The following MAMDC2 variants were observed in gnomAD, a reference collection of about 807,000 sequenced individuals.
MAMDC2 encodes MAM domain-containing protein 2.
Under a neutral mutation model 89.8 loss-of-function variants are expected in MAMDC2, and 57 were observed. The ratio of observed to expected loss-of-function variants is 0.63; its 90% CI spans 0.51 to 0.79. The LOEUF (loss-of-function observed/expected upper bound fraction) is 0.79, where lower values mean the gene tolerates loss of function less well. Among genes scored for constraint, MAMDC2 ranks in the 30% least tolerant of loss-of-function variants. The probability of loss-of-function intolerance (pLI) is 0.00; values close to 1 mark genes in which losing one functional copy is unlikely to be tolerated. For missense variants in MAMDC2, 800 were observed against 820.6 expected (o/e 0.97, Z 0.31); for synonymous variants, 313 against 293.4 (o/e 1.07, Z -0.68).
chr9:70,154,398 A>T (rs1000228706), intron 9 of MAMDC2, among the ~76,000 whole-genome samples: 1 of 152,194 alleles, frequency 6.6e-6, no homozygotes, highest in Non-Finnish European at 1.5e-5. Context: ...GATAAACTAT[A>T]ATCCCTTATA....
chr9:70,061,249 A>G (rs1427222987), intron 2 of MAMDC2, among the ~76,000 whole-genome samples: 4 of 152,146 alleles, frequency 2.6e-5, no homozygotes, highest in East Asian at 3.9e-4. Flanking sequence ...CTCTGAGGTG[A>G]GTGACATCCC....
intron 2 of MAMDC2, among the ~76,000 whole-genome samples, chr9:70,060,953 T>A (rs1275173933): frequency 6.6e-6 from 1 of 152,206 alleles, no homozygotes. Context: ...GGATCCCAAA[T>A]AACACAGAAC....
chr9:70,220,345 A>C (rs2118693398), intron 12 of MAMDC2, among the ~76,000 whole-genome samples: 1 of 152,268 alleles, frequency 6.6e-6, no homozygotes, highest in South Asian at 2.1e-4. Flanking sequence ...AATGATGCAG[A>C]ATCGCCCTGG....
intron 2 of MAMDC2, among the ~76,000 whole-genome samples, chr9:70,094,437 G>T (rs1827977351): frequency 6.6e-6 from 1 of 152,100 alleles, no homozygotes; most frequent in African/African-American, 2.4e-5. Context: ...ACAATCTTTT[G>T]TGTATCCTGA....
At chr9:70,126,910 T>C (rs892252970) in intron 6 of MAMDC2, among the ~76,000 whole-genome samples, 4 of 152,094 alleles carry the variant, frequency 2.6e-5, no homozygotes, top group African/African-American at 2.4e-5. Flanking sequence ...AAACTTGCTA[T>C]TATGGCCCTA....
chr9:70,122,392 G>A (rs772415495), intron 5 of MAMDC2, among the ~76,000 whole-genome samples: 4 of 152,216 alleles, frequency 2.6e-5, no homozygotes, highest in African/African-American at 7.2e-5. Context: ...CACACAGCAG[G>A]TGAGTTACTA....
chr9:70,047,552 A>G (rs1826783451), intron 2 of MAMDC2, among the ~76,000 whole-genome samples: 1 of 152,220 alleles, frequency 6.6e-6, no homozygotes, highest in Admixed American at 6.5e-5. Context: ...GTATTGCTGC[A>G]TAGTATTCCA....
intron 11 of MAMDC2, among the ~76,000 whole-genome samples, chr9:70,206,262 CA>C (rs1276276507): frequency 6.6e-6 from 1 of 152,078 alleles, no homozygotes; most frequent in East Asian, 1.9e-4. Flanking sequence ...AATTGTGCAC[CA>C]GAGTATTGTT....
In MAMDC2 at chr9:70,218,369, G is replaced by A; in HGVS notation, c.1684G>A (p.Val562Met). Residue 562 changes from valine to methionine, a missense_variant, in exon 12 of 14, where the codon GTG (valine) becomes ATG (methionine). By Grantham distance (21) the Val-to-Met change is conservative. Transcript: ENST00000377182. ...CATGTACATTGAGGCCTCCCATATG[G>A]TGTATGGACAAAAAGCACGCCTCTT... ...YYMYIEASHM[V>M]YGQKARLLSR... is the part of the protein sequence containing the mutation. 6.2e-7 allele frequency: 1 copy of A among 1,614,126 alleles called. No individual in the cohort carries two copies. Among genetic ancestry groups the A allele is most frequent in the South Asian group, 1.1e-5 (1 of 91,076 alleles).
At chr9:70,139,218 C>A (rs995104093) in intron 7 of MAMDC2, among the ~76,000 whole-genome samples, 1 of 145,758 alleles carries the variant, frequency 6.9e-6, no homozygotes, top group African/African-American at 2.5e-5. Flanking sequence ...TGTGCTGCAC[C>A]CATTAACTCG....
chr9:70,116,904 C>G (rs116112426), intron 5 of MAMDC2, among the ~76,000 whole-genome samples: 1,608 of 152,222 alleles, frequency 0.011, 28 homozygotes, highest in African/African-American at 0.036. Flanking sequence ...CTCCCTCTCT[C>G]TATTTTCCCA....
intron 9 of MAMDC2, among the ~76,000 whole-genome samples, chr9:70,156,284 T>C (rs1363505872): frequency 1.3e-5 from 2 of 152,236 alleles, no homozygotes; most frequent in African/African-American, 4.8e-5. Context: ...TATGATTACA[T>C]GTAAAATACC....
chr9:70,095,066 C>A (rs1754823255), intron 2 of MAMDC2, among the ~76,000 whole-genome samples: 1 of 152,054 alleles, frequency 6.6e-6, no homozygotes, highest in African/African-American at 2.4e-5. Flanking sequence ...AAGAGAGTAT[C>A]CCAGATAAAG....
rs376978435 is a variant in MAMDC2 at position 70,160,700 on chromosome 9, G to A, written c.1405-8002G>A. ...GATGTCTTCGGCTAAGGGTGAGAAGGACGTGGCTGAGGTGAGGGAAGAGCT... is the reference window on the plus strand; with the variant it reads ...GATGTCTTCGGCTAAGGGTGAGAAGAACGTGGCTGAGGTGAGGGAAGAGCT... On this transcript the variant is annotated intron_variant, in intron 9 of 13. Coordinates refer to ENST00000377182, the MANE Select transcript of MAMDC2 (RefSeq NM_153267.5). Among the ~76,000 whole-genome samples, 53 of 152,280 alleles carry A rather than the reference G, an allele frequency of 3.5e-4. No homozygotes were observed. In the South Asian group the frequency reaches 8.7e-3, roughly 25 times the overall value.
intron 2 of MAMDC2, among the ~76,000 whole-genome samples, chr9:70,069,134 T>C (rs1464935372): frequency 1.3e-5 from 2 of 152,214 alleles, no homozygotes; most frequent in Non-Finnish European, 2.9e-5. Context: ...CAGCCTTGGC[T>C]TATGAATCCC....
At chr9:70,160,969 A>T (rs1394130981) in intron 9 of MAMDC2, among the ~76,000 whole-genome samples, 1 of 152,180 alleles carries the variant, frequency 6.6e-6, no homozygotes, top group Non-Finnish European at 1.5e-5. Flanking sequence ...AAAGCAAAAT[A>T]GGGAAAATGA....
At chr9:70,044,293 GC>G in intron 1 of MAMDC2, 62 bp downstream of exon 1, 1 of 1,557,054 alleles carries the variant, frequency 6.4e-7, no homozygotes. Context: ...CGCTCCTGCT[GC>G]CCCCGGGGGT....
rs978008704 is a variant in MAMDC2 at position 70,112,072 on chromosome 9, G to C, written c.506-923G>C. On this transcript the variant is annotated intron_variant, in intron 4 of 13. Transcript: ENST00000377182. ...GGTCGAATCCAACAGGGAGATGGAAGGCAGGGTAGCCCATTGATACAGTCC... is the reference window on the plus strand; with the variant it reads ...GGTCGAATCCAACAGGGAGATGGAACGCAGGGTAGCCCATTGATACAGTCC... 3.3e-5 allele frequency among the ~76,000 whole-genome samples: 5 copies of C among 152,188 alleles called. No individual in the cohort carries two copies. In the South Asian group the frequency reaches 1.0e-3, roughly 32 times the overall value.
intron 11 of MAMDC2, among the ~76,000 whole-genome samples, chr9:70,196,307 G>T (rs749608776): frequency 3.3e-5 from 5 of 152,082 alleles, no homozygotes; most frequent in Admixed American, 6.6e-5. Flanking sequence ...GAAGGAAAAA[G>T]AAATTTATGC....
Sources: allele counts gnomAD v4.1 joint callset (sites outside exome capture counted in the v4.1 genomes callset), GRCh38; gene constraint gnomAD v4.1.1; transcripts MANE v1.5; gene names NCBI Gene and HGNC (gene_info 2026-07-23, HGNC 2026-07-21).